Variants in HBS1L observed in about 807,000 individuals in gnomAD.
HBS1L encodes HBS1 like translational GTPase, also known as HBS1-like protein.
In HBS1L, 55 loss-of-function variants were observed where a neutral mutation model predicts 88.9. The ratio of observed to expected loss-of-function variants is 0.62; its 90% CI spans 0.50 to 0.77. The LOEUF is 0.77. Ranked by LOEUF, HBS1L falls within the 30% of genes least tolerant of loss-of-function variation. The pLI is 0.00. For missense variants in HBS1L, 741 were observed against 829.3 expected, an observed-to-expected ratio of 0.89 and a Z score of 1.31; for synonymous variants, 267 against 288.5, an observed-to-expected ratio of 0.93 and a Z score of 0.76.
At chr6:134,968,397 A>G (rs750302486) in intron 16 of HBS1L, among the ~76,000 whole-genome samples, 1 of 151,822 alleles carries the variant, frequency 6.6e-6, no homozygotes. Flanking sequence ...TACAGGTGTG[A>G]GCCACCACAC....
intron 4 of HBS1L, among the ~76,000 whole-genome samples, chr6:135,006,363 T>C (rs1562292917): frequency 6.6e-6 from 1 of 152,072 alleles, no homozygotes; most frequent in Non-Finnish European, 1.5e-5. Context: ...TTGGACTTGG[T>C]GGTGTTTTTC....
At chr6:134,972,152 A>G (rs1403935237) in intron 15 of HBS1L, among the ~76,000 whole-genome samples, 2 of 152,210 alleles carry the variant, frequency 1.3e-5, no homozygotes, top group Non-Finnish European at 2.9e-5. Flanking sequence ...TTTCAGGTAA[A>G]GGCTGGGATT....
intron 4 of HBS1L, among the ~76,000 whole-genome samples, chr6:135,022,691 T>C (rs1023179): frequency 6.6e-6 from 1 of 151,776 alleles, no homozygotes; most frequent in Non-Finnish European, 1.5e-5. Flanking sequence ...AATATTTTCA[T>C]TGAAAATTAT....
chr6:135,002,971 C>CCTG, intron 4 of HBS1L, 129 bp from the exon 5 acceptor site: 1 of 554,826 alleles, frequency 1.8e-6, no homozygotes, highest in Non-Finnish European at 3.1e-6. Context: ...AACACATTAT[C>CCTG]TCTAAAAAAA....
chr6:134,990,157 C>T (rs1775090849), intron 8 of HBS1L, among the ~76,000 whole-genome samples: 1 of 152,138 alleles, frequency 6.6e-6, no homozygotes, highest in African/African-American at 2.4e-5. Context: ...AAATGTTCTA[C>T]CTAATCTTCC....
At chr6:135,011,995 C>T (rs556210306) in intron 4 of HBS1L, among the ~76,000 whole-genome samples, 1 of 146,970 alleles carries the variant, frequency 6.8e-6, no homozygotes. Context: ...TGGGCCAGGT[C>T]AATAAACACA....
chr6:134,969,660 G>T (rs1041432414), intron 15 of HBS1L, among the ~76,000 whole-genome samples: 2 of 152,166 alleles, frequency 1.3e-5, no homozygotes, highest in Admixed American at 6.5e-5. Flanking sequence ...TTAAGTAAGA[G>T]AATTCGTCAT....
intron 4 of HBS1L, among the ~76,000 whole-genome samples, chr6:135,021,768 GCTT>G (rs1217594000): frequency 2.6e-5 from 4 of 152,062 alleles, no homozygotes; most frequent in Non-Finnish European, 5.9e-5. Flanking sequence ...ATTACAACTG[GCTT>G]CTTAACACCT....
Position 135,050,692 on chromosome 6 carries a change from T to C in HBS1L, c.44-45A>G, listed in dbSNP as rs118165421. ...GATAAATTCATTTACAAGTTCTTTT[T>C]ATATTCTTAGTTACTAGTGAGGAAG... On this transcript the variant is annotated intron_variant, in intron 1 of 17. Transcript: ENST00000367837. The C allele has an allele frequency of 1.9e-3, 2,391 of 1,268,540 alleles. 85 individuals carry two copies. The East Asian group carries it at 0.05, about 27-fold the overall frequency. The allele number at this position is 1,268,540 out of a possible 1,614,324, so 78.6% of individuals were successfully genotyped here. A position where few individuals can be genotyped will look rare whatever the true frequency, so the allele number is the denominator to read the frequency against.
In HBS1L at chr6:134,969,255, G is replaced by T. The variant is rs1443966210; in HGVS notation, c.1881C>A (p.Val627=). 2 of 1,611,080 alleles carry T rather than the reference G, an allele frequency of 1.2e-6. No individual in the cohort carries two copies. Among genetic ancestry groups the T allele is most frequent in the Non-Finnish European group, 1.7e-6 (2 of 1,177,734 alleles). ...ACACTCACTTAGGCTTTTTCTTTGT[G>T]ACTTCACCCGTGCTTTTGTTTAAGA... is the stretch of plus-strand genomic sequence containing the variant. ...ISVLNKSTGE[V]TKKKPKFLTK... The change falls in exon 16 of 18, where the codon GTC becomes GTA. Residue 627 remains valine (V), a synonymous_variant. Coordinates refer to ENST00000367837, the MANE Select transcript of HBS1L (RefSeq NM_006620.4).
chr6:134,967,662 A>T (rs1370871707), intron 16 of HBS1L, among the ~76,000 whole-genome samples: 1 of 152,182 alleles, frequency 6.6e-6, no homozygotes, highest in Non-Finnish European at 1.5e-5. Context: ...ATATATGATG[A>T]GCCAATTTCA....
In HBS1L at chr6:134,966,363, C is replaced by T; in HGVS notation, c.2009G>A (p.Gly670Asp). ...AACACCAGCAGCTATTGTAGAACCA[C>T]CGTAACGTAGCATGAACCTCCCCAG... ...KELGRFMLRY[G>D]GSTIAAGVVT... Residue 670 changes from glycine (G) to aspartate (D), a missense_variant, in exon 17 of 18, where the codon GGT (glycine) becomes GAT (aspartate). Transcript: ENST00000367837. 6.2e-7 allele frequency: 1 copy of T among 1,612,878 alleles called. No homozygotes were observed. The highest frequency in any genetic ancestry group is 1.7e-5 in the Admixed American group (1 of 59,956).
At chr6:135,037,466 C>T (rs749313471) in intron 4 of HBS1L, 1 of 1,549,294 alleles carries the variant, frequency 6.5e-7, no homozygotes, top group African/African-American at 1.4e-5. Flanking sequence ...GTCATATTTT[C>T]CAACGAGCTA....
intron 1 of HBS1L, 116 bp downstream of exon 1, chr6:135,054,533 C>A: frequency 2.4e-6 from 3 of 1,227,852 alleles, no homozygotes; most frequent in Non-Finnish European, 3.5e-6. Flanking sequence ...CTGGGGCTCT[C>A]CCAATCCCGA....
At chr6:135,026,131 T>C (rs1345066644) in intron 4 of HBS1L, among the ~76,000 whole-genome samples, 1 of 152,208 alleles carries the variant, frequency 6.6e-6, no homozygotes, top group East Asian at 1.9e-4. Flanking sequence ...TAATAAACTG[T>C]TTTTAAAAAC....
chr6:134,978,763 G>A lies in HBS1L; in HGVS notation c.1713C>T (p.Pro571=), dbSNP rs1400303077. The A allele has an allele frequency of 3.1e-6, 5 of 1,607,122 alleles. No individual in the cohort carries two copies. The highest frequency in any genetic ancestry group is 1.7e-5 in the Admixed American group (1 of 58,992). ...KINVGCIFCG[P]KVPIKACTRF... ...GAGTGCAAGCTTTAATGGGTACTTT[G>A]GGGCCACAAAATATGCAGCCAACAC... The change falls in exon 15 of 18, where the codon CCC becomes CCT. Residue 571 remains proline (P), a synonymous_variant. Coordinates refer to ENST00000367837, the MANE Select transcript of HBS1L (RefSeq NM_006620.4).
chr6:134,973,367 C>T, intron 15 of HBS1L, among the ~76,000 whole-genome samples: 1 of 152,124 alleles, frequency 6.6e-6, no homozygotes, highest in East Asian at 1.9e-4. Context: ...TTGTATGATT[C>T]CACTTACATA....
intron 15 of HBS1L, among the ~76,000 whole-genome samples, chr6:134,972,847 A>G (rs550211899): frequency 1.2e-4 from 18 of 152,360 alleles, no homozygotes; most frequent in African/African-American, 4.1e-4. Flanking sequence ...AATCCAAACC[A>G]AAACCACCAT....
At chr6:135,046,693 T>C (rs1008235024) in intron 2 of HBS1L, among the ~76,000 whole-genome samples, 4 of 152,030 alleles carry the variant, frequency 2.6e-5, no homozygotes, top group African/African-American at 9.7e-5. Flanking sequence ...ACCAGGAAAA[T>C]TGAGCTTAAT....
Sources: allele counts gnomAD v4.1 joint callset (sites outside exome capture counted in the v4.1 genomes callset), GRCh38; gene constraint gnomAD v4.1.1; transcripts MANE v1.5; gene names NCBI Gene and HGNC (gene_info 2026-07-23, HGNC 2026-07-21).